ANKRD33B: variants seen among roughly 807,000 people sequenced by gnomAD.
ANKRD33B encodes the protein ankyrin repeat domain-containing protein 33B.
In ANKRD33B, 6 loss-of-function variants were observed where a neutral mutation model predicts 21.5. The ratio of observed to expected loss-of-function variants is 0.28; its 90% CI spans 0.15 to 0.55. The LOEUF (loss-of-function observed/expected upper bound fraction) is 0.55, where lower values mean the gene tolerates loss of function less well. Ranked by LOEUF, ANKRD33B falls within the 20% of genes least tolerant of loss-of-function variation. ANKRD33B has a pLI of 0.94. For missense variants in ANKRD33B, 698 were observed against 747.2 expected, an observed-to-expected ratio of 0.93 and a Z score of 0.77; for synonymous variants, 347 against 342.4, an observed-to-expected ratio of 1.01 and a Z score of -0.15.
intron 1 of ANKRD33B, among the ~76,000 whole-genome samples, chr5:10,567,817 A>C (rs1372990960): frequency 6.6e-6 from 1 of 152,196 alleles, no homozygotes; most frequent in Non-Finnish European, 1.5e-5. Flanking sequence ...CTCCAAGCTT[A>C]TCATGATTAG....
intron 1 of ANKRD33B, among the ~76,000 whole-genome samples, chr5:10,595,751 C>T (rs537412266): frequency 2.5e-4 from 38 of 152,290 alleles, no homozygotes; most frequent in African/African-American, 7.9e-4. Context: ...ATCTTCTGGG[C>T]TCATCCCTGC....
chr5:10,589,407 C>T (rs1735637247), intron 1 of ANKRD33B, among the ~76,000 whole-genome samples: 1 of 152,230 alleles, frequency 6.6e-6, no homozygotes, highest in South Asian at 2.1e-4. Flanking sequence ...CACCATCTCA[C>T]TTAACATTAC....
At chr5:10,618,050 T>C (rs1452468375) in intron 1 of ANKRD33B, among the ~76,000 whole-genome samples, 1 of 152,210 alleles carries the variant, frequency 6.6e-6, no homozygotes, top group Non-Finnish European at 1.5e-5. Flanking sequence ...ATAGTTGGTG[T>C]GTTTCCCTCC....
chr5:10,646,532 G>A (rs1273927275), intron 3 of ANKRD33B, among the ~76,000 whole-genome samples: 3 of 152,182 alleles, frequency 2.0e-5, no homozygotes, highest in South Asian at 2.1e-4. Context: ...ACATCAGGAC[G>A]AAGAGTGCAA....
rs2126611289 is a variant in ANKRD33B at position 10,649,645 on chromosome 5, G to C, written c.1017G>C (p.Arg339=). Residue 339 remains arginine, a synonymous_variant, in exon 4 of 4, where the codon CGG becomes CGC. Coordinates refer to ENST00000296657, the MANE Select transcript of ANKRD33B (RefSeq NM_001164440.2). Reference sequence around the variant, plus strand: ...GCCCTCCGAGCGTGGGGAAGAGGCGGCTGGCGGTGCAGGAGATCCTGGCGG... The same window carrying C: ...GCCCTCCGAGCGTGGGGAAGAGGCGCCTGGCGGTGCAGGAGATCCTGGCGG... ...PESPPSVGKR[R]LAVQEILAAR... 3 of 1,530,956 alleles carry C rather than the reference G, an allele frequency of 2.0e-6. No individual in the cohort carries two copies. The East Asian group carries it at 7.4e-5, about 38-fold the overall frequency. 94.8% of individuals were successfully genotyped at this position (1,530,956 alleles called of 1,614,324 possible).
chr5:10,613,598 A>G (rs577307776), intron 1 of ANKRD33B, among the ~76,000 whole-genome samples: 1 of 152,170 alleles, frequency 6.6e-6, no homozygotes, highest in Non-Finnish European at 1.5e-5. Flanking sequence ...TTTGTTTTAC[A>G]TAAGAATTCT....
intron 1 of ANKRD33B, among the ~76,000 whole-genome samples, chr5:10,610,294 G>A (rs574237738): frequency 3.3e-5 from 5 of 152,260 alleles, no homozygotes; most frequent in Admixed American, 6.5e-5. Flanking sequence ...GCCTCCCAGG[G>A]TGCATTTGGC....
Position 10,586,088 on chromosome 5 carries a change from T to C in ANKRD33B, c.366+21255T>C, listed in dbSNP as rs528034782. On this transcript the variant is annotated intron_variant, in intron 1 of 3. Coordinates refer to ENST00000296657, the MANE Select transcript of ANKRD33B (RefSeq NM_001164440.2). ...TTGGGAGTTTCTCTGTTGTCTCTGC[T>C]CCATGCTAATTGCATAGCATTTCTT... Among the ~76,000 whole-genome samples, 3 of 152,262 alleles carry C rather than the reference T, an allele frequency of 2.0e-5. No homozygotes were observed. In the South Asian group the frequency reaches 6.2e-4, roughly 32 times the overall value.
At chr5:10,630,438 G>T (rs1736680535) in intron 2 of ANKRD33B, among the ~76,000 whole-genome samples, 1 of 152,160 alleles carries the variant, frequency 6.6e-6, no homozygotes, top group Non-Finnish European at 1.5e-5. Flanking sequence ...CATCCCATCG[G>T]CCAAGGTTCC....
At position 10,650,547 on chromosome 5, in the gene ANKRD33B, T is replaced by TTA. The variant is rs1346628732; in HGVS notation, c.*434_*435insTA. ...GACCTTTTGTTTAAGATACTGTTTC[T>TTA]AGCAATAAGTATCCATGATACCTGT... On this transcript the variant is annotated 3_prime_UTR_variant, in exon 4 of 4. Coordinates refer to ENST00000296657, the MANE Select transcript of ANKRD33B (RefSeq NM_001164440.2). The TTA allele has an allele frequency of 6.5e-6, 1 of 153,058 alleles. No individual in the cohort carries two copies. Among genetic ancestry groups the TTA allele is most frequent in the Non-Finnish European group, 1.5e-5 (1 of 68,536 alleles). The allele number at this position is 153,058 out of a possible 1,614,324, so 9.5% of individuals were successfully genotyped here.
At chr5:10,639,031 G>A (rs796303552) in intron 3 of ANKRD33B, among the ~76,000 whole-genome samples, 3 of 52,454 alleles carry the variant, frequency 5.7e-5, no homozygotes, top group South Asian at 8.0e-4. Flanking sequence ...GTTGCGCGGC[G>A]ATGTTAGCGG....
Position 10,616,288 on chromosome 5 carries a change from C to T in ANKRD33B, c.367-2045C>T, listed in dbSNP as rs147284619. Among the ~76,000 whole-genome samples, 88 of 152,140 alleles carry T rather than the reference C, an allele frequency of 5.8e-4. No individual in the cohort carries two copies. The East Asian group carries it at 0.01, about 18-fold the overall frequency. Reference sequence around the variant, plus strand: ...AATTATATTCTTACTAAAAATTGGCCGGGTGTGTTGGCTCACGCCTGTAAT... The same window carrying T: ...AATTATATTCTTACTAAAAATTGGCTGGGTGTGTTGGCTCACGCCTGTAAT... On this transcript the variant is annotated intron_variant, in intron 1 of 3. Coordinates refer to ENST00000296657, the MANE Select transcript of ANKRD33B (RefSeq NM_001164440.2).
rs75798917 is a variant in ANKRD33B at position 10,572,648 on chromosome 5, C to T, written c.366+7815C>T. On this transcript the variant is annotated intron_variant, in intron 1 of 3. Coordinates refer to ENST00000296657, the MANE Select transcript of ANKRD33B (RefSeq NM_001164440.2). Reference sequence around the variant, plus strand: ...CCGCAGCGTTAGTGTCAGGCAGCCCCGTCTGGGCCTGTTCCCCAAGTGGAC... The same window carrying T: ...CCGCAGCGTTAGTGTCAGGCAGCCCTGTCTGGGCCTGTTCCCCAAGTGGAC... 3.9e-5 allele frequency among the ~76,000 whole-genome samples: 6 copies of T among 152,358 alleles called. No individual in the cohort carries two copies. In the East Asian group the frequency reaches 9.6e-4, roughly 24 times the overall value.
chr5:10,581,630 T>C (rs1242225992), intron 1 of ANKRD33B, among the ~76,000 whole-genome samples: 1 of 152,246 alleles, frequency 6.6e-6, no homozygotes, highest in Non-Finnish European at 1.5e-5. Context: ...AGGTATTCAG[T>C]CAAACACTGG....
chr5:10,635,894 C>T (rs958563263), intron 2 of ANKRD33B, among the ~76,000 whole-genome samples: 8 of 152,202 alleles, frequency 5.3e-5, no homozygotes, highest in African/African-American at 1.9e-4. Context: ...AGGCCAAGGG[C>T]GCCCAGCCCT....
intron 1 of ANKRD33B, among the ~76,000 whole-genome samples, chr5:10,572,164 C>T (rs1373973248): frequency 6.6e-6 from 1 of 152,196 alleles, no homozygotes; most frequent in African/African-American, 2.4e-5. Flanking sequence ...GTTGGGATTA[C>T]AGGCGTGAGC....
At chr5:10,581,215 T>TGCC (rs1402384768) in intron 1 of ANKRD33B, among the ~76,000 whole-genome samples, 1 of 152,248 alleles carries the variant, frequency 6.6e-6, no homozygotes, top group Non-Finnish European at 1.5e-5. Context: ...TTGGCAGGGC[T>TGCC]GCCTCCTCCT....
chr5:10,636,271 G>T (rs1355659303), intron 2 of ANKRD33B, among the ~76,000 whole-genome samples: 1 of 152,200 alleles, frequency 6.6e-6, no homozygotes, highest in African/African-American at 2.4e-5. Flanking sequence ...GCTTGAGTTG[G>T]AATGAATAAG....
chr5:10,649,587 T>G lies in ANKRD33B; in HGVS notation c.959T>G (p.Val320Gly). The change falls in exon 4 of 4, where the codon GTG becomes GGG. Residue 320 changes from valine (V) to glycine (G), a missense_variant. Around this residue, in one of 3 missense-constraint regions of ANKRD33B, gnomAD observed 543 missense variants for 566.5 expected, o/e 0.96. Transcript: ENST00000296657. Reference sequence around the variant, plus strand: ...ACCACGAGCCTCTACAGCCCCGCCGTGGCCATCGTGTGCCAGACCGTGTGC... The same window carrying G: ...ACCACGAGCCTCTACAGCCCCGCCGGGGCCATCGTGTGCCAGACCGTGTGC... The part of the protein sequence containing the change: ...RMTTSLYSPA[V>G]AIVCQTVCPE... The G allele has an allele frequency of 6.5e-7, 1 of 1,528,584 alleles. No individual in the cohort carries two copies. The highest frequency in any genetic ancestry group is 8.8e-7 in the Non-Finnish European group (1 of 1,142,740). The allele number at this position is 1,528,584 out of a possible 1,614,324, so 94.7% of individuals were successfully genotyped here.
Sources: allele counts gnomAD v4.1 joint callset (sites outside exome capture counted in the v4.1 genomes callset), GRCh38; gene constraint gnomAD v4.1.1; regional missense constraint gnomAD v4.1.1; transcripts MANE v1.5; gene names NCBI Gene and HGNC (gene_info 2026-07-23, HGNC 2026-07-21).